The following CHIC2 variants were observed in gnomAD, a reference collection of about 807,000 sequenced individuals.
CHIC2 encodes cysteine rich hydrophobic domain 2, also known as cysteine-rich hydrophobic domain-containing protein 2.
In CHIC2, 14 loss-of-function variants were observed where a neutral mutation model predicts 25.9. The observed-to-expected ratio is 0.54, with a 90% CI of 0.36 to 0.85. The LOEUF (loss-of-function observed/expected upper bound fraction) is 0.85. Ranked by LOEUF, CHIC2 falls within the 40% of genes least tolerant of loss-of-function variation. CHIC2 has a pLI of 0.01. For synonymous variants in CHIC2, 70 were observed against 72.0 expected (o/e 0.97, Z 0.14); for missense variants, 146 against 202.0 (o/e 0.72, Z 1.68).
chr4:54,015,849 T>C (rs545887431), intron 3 of CHIC2, among the ~76,000 whole-genome samples: 7 of 152,314 alleles, frequency 4.6e-5, no homozygotes, highest in Non-Finnish European at 7.4e-5. Flanking sequence ...GGCTGACCTC[T>C]CAAACCGCCT....
At chr4:54,069,592 T>C (rs1282303915), upstream of CHIC2, among the ~76,000 whole-genome samples, 1 of 152,220 alleles carries the variant, frequency 6.6e-6, no homozygotes, top group Admixed American at 6.5e-5. Flanking sequence ...GCCATTGACT[T>C]AATCTTCAGC....
rs373687095 is a variant in CHIC2, at chr4:54,024,437, T to TA, written c.331-10319dup. 6.7e-3 allele frequency among the ~76,000 whole-genome samples: 1,024 copies of TA among 152,286 alleles called. 11 individuals are homozygous for TA. The highest frequency in any genetic ancestry group is 0.023 in the African/African-American group (962 of 41,554). ...TCATTCTTATTCTTGTTCCCGTTCT[T>TA]ATGCCACCCACTACCTCTCCCCAGC... On this transcript the variant is annotated intron_variant, in intron 3 of 5. Transcript: ENST00000263921.
the CHIC2 span, among the ~76,000 whole-genome samples, chr4:54,072,267 A>G: frequency 1.3e-5 from 2 of 151,510 alleles, no homozygotes; most frequent in Non-Finnish European, 2.9e-5. Flanking sequence ...GCGCCACTGC[A>G]CTCCAGCCTG....
chr4:54,091,481 C>T, the CHIC2 span, among the ~76,000 whole-genome samples: 1 of 152,216 alleles, frequency 6.6e-6, no homozygotes, highest in Non-Finnish European at 1.5e-5. Flanking sequence ...GTATTCCTCA[C>T]ATTCACACAT....
At chr4:54,075,386 T>C in the CHIC2 span, among the ~76,000 whole-genome samples, 1 of 152,166 alleles carries the variant, frequency 6.6e-6, no homozygotes, top group African/African-American at 2.4e-5. Context: ...AGAAACAAAA[T>C]AGTTTTAAGT....
At chr4:54,037,107 G>GT (rs1205341993) in intron 3 of CHIC2, among the ~76,000 whole-genome samples, 1 of 152,154 alleles carries the variant, frequency 6.6e-6, no homozygotes, top group Non-Finnish European at 1.5e-5. Context: ...GCTCACACCT[G>GT]TAATCCCAGC....
intron 1 of CHIC2, chr4:54,060,810 C>A (rs190934528): frequency 6.6e-6 from 1 of 152,160 alleles, no homozygotes; most frequent in Admixed American, 6.5e-5. Context: ...TTTTCCTCAT[C>A]GTCAATTATA....
At chr4:54,048,457 T>C (rs1312548074) in intron 3 of CHIC2, among the ~76,000 whole-genome samples, 1 of 152,224 alleles carries the variant, frequency 6.6e-6, no homozygotes, top group African/African-American at 2.4e-5. Flanking sequence ...TTTTATTTCT[T>C]GTATGGGTAC....
intron 1 of CHIC2, among the ~76,000 whole-genome samples, chr4:54,050,580 G>C (rs1235679791): frequency 6.6e-6 from 1 of 152,112 alleles, no homozygotes; most frequent in East Asian, 1.9e-4. Context: ...TTTCAGTCAG[G>C]ACATACTAGA....
At chr4:54,044,990 A>G (rs1180848488) in intron 3 of CHIC2, among the ~76,000 whole-genome samples, 4 of 152,258 alleles carry the variant, frequency 2.6e-5, no homozygotes, top group Non-Finnish European at 4.4e-5. Flanking sequence ...CCACAGAAAT[A>G]CAAACTACCA....
chr4:54,073,779 C>T, the CHIC2 span, among the ~76,000 whole-genome samples: 1 of 152,196 alleles, frequency 6.6e-6, no homozygotes, highest in African/African-American at 2.4e-5. Context: ...GAAAGAGGGA[C>T]TTAGCCCTTT....
chr4:54,065,112 A>T (rs1405114328), upstream of CHIC2, among the ~76,000 whole-genome samples: 1 of 152,220 alleles, frequency 6.6e-6, no homozygotes, highest in African/African-American at 2.4e-5. Flanking sequence ...CAATTTGAGG[A>T]GTCCAGCAGA....
At chr4:54,010,660 G>C (rs1248224659) in intron 5 of CHIC2, among the ~76,000 whole-genome samples, 2 of 152,102 alleles carry the variant, frequency 1.3e-5, no homozygotes, top group Non-Finnish European at 2.9e-5. Flanking sequence ...TGGAGTCACT[G>C]TTTGAATAAA....
chr4:54,049,259 T>A lies in CHIC2; in HGVS notation c.166A>T (p.Thr56Ser). ...KFESEFPSSL[T>S]GKVAPEEFKA... ...ATAAATGAGACACTCACTTTTCCAG[T>A]TAATGAAGAAGGGAATTCAGATTCA... Residue 56 changes from threonine to serine, a missense_variant, in exon 2 of 6, where the codon ACT (threonine) becomes TCT (serine). By Grantham distance (58) the Thr-to-Ser change is moderately conservative. Coordinates refer to ENST00000263921, the MANE Select transcript of CHIC2 (RefSeq NM_012110.4). 1 of 1,603,802 alleles carries A rather than the reference T, an allele frequency of 6.2e-7. No individual in the cohort carries two copies. The highest frequency in any genetic ancestry group is 1.3e-5 in the African/African-American group (1 of 74,758).
the CHIC2 span, among the ~76,000 whole-genome samples, chr4:54,071,491 A>G: frequency 2.6e-5 from 4 of 152,260 alleles, no homozygotes; most frequent in African/African-American, 9.6e-5. Flanking sequence ...GAAGTTAGGT[A>G]ACTTGGCCAA....
rs914161777 is a variant in CHIC2 at position 54,056,700 on chromosome 4, T to A, written c.120-7395A>T. ...AACCAACTCTATCCTAAGTAGATAG[T>A]GGGAGAGAAAAAAAGCTTAAGAACA... On this transcript the variant is annotated intron_variant, in intron 1 of 5. Transcript: ENST00000263921. 2.6e-5 allele frequency among the ~76,000 whole-genome samples: 4 copies of A among 152,268 alleles called. 1 individual carries two copies. The highest frequency in any genetic ancestry group is 2.6e-4 in the Admixed American group (4 of 15,288).
intron 1 of CHIC2, among the ~76,000 whole-genome samples, chr4:54,054,339 C>T (rs961512355): frequency 6.6e-6 from 1 of 152,206 alleles, no homozygotes; most frequent in South Asian, 2.1e-4. Flanking sequence ...TTGGCATTCA[C>T]TACTGAGCTA....
At chr4:54,078,170 A>G in the CHIC2 span, among the ~76,000 whole-genome samples, 1 of 152,210 alleles carries the variant, frequency 6.6e-6, no homozygotes, top group Admixed American at 6.5e-5. Flanking sequence ...TACAAACTTT[A>G]GGTAGCTCAG....
intron 1 of CHIC2, among the ~76,000 whole-genome samples, chr4:54,049,656 CAGCT>C (rs1577982663): frequency 6.6e-6 from 1 of 152,102 alleles, no homozygotes; most frequent in East Asian, 1.9e-4. Flanking sequence ...CGATTTTTTC[CAGCT>C]TTTAATGTTA....
Sources: gnomAD v4.1 joint callset for allele counts (sites outside exome capture counted in the v4.1 genomes callset) on GRCh38, gnomAD v4.1.1 for gene constraint, MANE v1.5 for transcripts, NCBI Gene and HGNC (gene_info 2026-07-23, HGNC 2026-07-21) for gene names.